Variants in ABI3BP observed in about 807,000 individuals in gnomAD.
ABI3BP encodes the protein target of Nesh-SH3.
ABI3BP carries 216 observed loss-of-function variants against 268.6 expected under a neutral mutation model. The observed-to-expected ratio is 0.80, with a 90% confidence interval of 0.72 to 0.90. The LOEUF (loss-of-function observed/expected upper bound fraction) is 0.90, where lower values mean the gene tolerates loss of function less well. Among genes scored for constraint, ABI3BP ranks in the 40% least tolerant of loss-of-function variants. The pLI is 0.00. For missense variants in ABI3BP, 2,090 were observed against 2,182.4 expected, an observed-to-expected ratio of 0.96 and a Z score of 0.84; for synonymous variants, 730 against 730.0, an observed-to-expected ratio of 1.00 and a Z score of 0.00.
intron 4 of ABI3BP, among the ~76,000 whole-genome samples, chr3:100,897,868 A>C (rs1050265129): frequency 1.3e-5 from 2 of 152,362 alleles, no homozygotes; most frequent in Non-Finnish European, 2.9e-5. Context: ...AGAAAACTTT[A>C]AAAATAAAAT....
intron 1 of ABI3BP, among the ~76,000 whole-genome samples, chr3:100,965,037 T>C (rs2080759187): frequency 8.9e-6 from 1 of 112,652 alleles, no homozygotes; most frequent in South Asian, 2.7e-4. Context: ...ATTATTTAAG[T>C]TCTAATAGTA....
chr3:100,815,731 AG>A (rs1343911935), intron 44 of ABI3BP, among the ~76,000 whole-genome samples, 180 bp downstream of exon 44: 2 of 152,198 alleles, frequency 1.3e-5, no homozygotes, highest in Non-Finnish European at 2.9e-5. Flanking sequence ...CACTGGGTCC[AG>A]GGACATCTGC....
intron 57 of ABI3BP, among the ~76,000 whole-genome samples, chr3:100,781,898 T>C (rs1325230582): frequency 2.0e-5 from 3 of 152,110 alleles, no homozygotes; most frequent in Non-Finnish European, 4.4e-5. Context: ...CAAGGGGAGA[T>C]TAAGCAATTT....
chr3:100,832,490 TTCAG>T (rs2098510178), intron 30 of ABI3BP, 140 bp from the exon 31 acceptor site: 1 of 759,732 alleles, frequency 1.3e-6, no homozygotes, highest in East Asian at 2.7e-5. Context: ...AATTTTCTCC[TTCAG>T]TATCTTAATA....
chr3:100,843,701 G>C, intron 20 of ABI3BP: 1 of 984,268 alleles, frequency 1.0e-6, no homozygotes. Context: ...TACCTCAGAT[G>C]CTATAGGACA....
chr3:100,770,970 C>A lies in ABI3BP; in HGVS notation c.4532-18G>T. 1 of 1,490,272 alleles carries A rather than the reference C, an allele frequency of 6.7e-7. No individual in the cohort carries two copies. The highest frequency in any genetic ancestry group is 1.4e-5 in the South Asian group (1 of 72,036). 92.3% of individuals were successfully genotyped at this position (1,490,272 alleles called of 1,614,324 possible). On this transcript the variant is annotated intron_variant, in intron 61 of 67. Transcript: ENST00000471714. ...ATGAGGTCCTACGAGAGAGAGGACC[C>A]TTGACATTTAACATTTTTGAAACTC...
At chr3:100,879,161 C>T (rs1338290024) in intron 6 of ABI3BP, among the ~76,000 whole-genome samples, 1 of 152,208 alleles carries the variant, frequency 6.6e-6, no homozygotes, top group Non-Finnish European at 1.5e-5. Flanking sequence ...AATATCTCCT[C>T]ACTGCCCCCT....
At chr3:100,846,645 G>A in intron 19 of ABI3BP, 199 bp from the exon 20 acceptor site, 1 of 415,280 alleles carries the variant, frequency 2.4e-6, no homozygotes, top group Non-Finnish European at 4.3e-6. Flanking sequence ...ATCTTGTTTA[G>A]AAAAAACATT....
intron 6 of ABI3BP, among the ~76,000 whole-genome samples, chr3:100,884,605 T>C (rs190394619): frequency 2.0e-5 from 3 of 152,150 alleles, no homozygotes; most frequent in African/African-American, 7.2e-5. Context: ...CATGGGGCTA[T>C]TCTGTGGACT....
chr3:100,863,993 A>C lies in ABI3BP; in HGVS notation c.1138+9T>G. The C allele has an allele frequency of 6.6e-7, 1 of 1,513,216 alleles. No individual in the cohort carries two copies. Among genetic ancestry groups the C allele is most frequent in the Non-Finnish European group, 8.9e-7 (1 of 1,126,052 alleles). The allele number at this position is 1,513,216 out of a possible 1,614,324, so 93.7% of individuals were successfully genotyped here. ...TAATAATAAAGCTGCAGTATTTATT[A>C]TTTTTTACCTAGAGTGCTCAGTGGC... On this transcript the variant is annotated intron_variant, in intron 12 of 67. Transcript: ENST00000471714.
intron 4 of ABI3BP, among the ~76,000 whole-genome samples, chr3:100,890,490 C>T (rs1484750518): frequency 6.6e-6 from 1 of 152,124 alleles, no homozygotes; most frequent in African/African-American, 2.4e-5. Context: ...ACCAGATCTC[C>T]AACCTTTCCC....
chr3:100,866,793 C>T, intron 10 of ABI3BP, 86 bp downstream of exon 10: 1 of 1,128,080 alleles, frequency 8.9e-7, no homozygotes, highest in Non-Finnish European at 1.3e-6. Flanking sequence ...CCTACTGGCT[C>T]TTTACTGAAA....
intron 1 of ABI3BP, among the ~76,000 whole-genome samples, chr3:100,939,789 C>T (rs903814336): frequency 1.1e-4 from 16 of 152,002 alleles, no homozygotes; most frequent in African/African-American, 3.4e-4. Context: ...TTATTAGGTG[C>T]GAATTTCCTC....
At chr3:100,842,395 T>C (rs1326917597) in intron 20 of ABI3BP, among the ~76,000 whole-genome samples, 1 of 152,150 alleles carries the variant, frequency 6.6e-6, no homozygotes, top group Non-Finnish European at 1.5e-5. Flanking sequence ...TCCAAGGAAA[T>C]GGAACAGGCA....
intron 57 of ABI3BP, among the ~76,000 whole-genome samples, chr3:100,786,499 A>G (rs1250436480): frequency 6.6e-6 from 1 of 152,166 alleles, no homozygotes; most frequent in Non-Finnish European, 1.5e-5. Flanking sequence ...AATAAGAATC[A>G]GTATTATAGT....
At chr3:100,929,250 G>A (rs2062858854) in intron 1 of ABI3BP, among the ~76,000 whole-genome samples, 1 of 151,948 alleles carries the variant, frequency 6.6e-6, no homozygotes, top group South Asian at 2.1e-4. Flanking sequence ...ATGGACTCTG[G>A]CCTGATGAAT....
intron 11 of ABI3BP, chr3:100,864,429 G>A: frequency 3.0e-6 from 1 of 335,386 alleles, no homozygotes; most frequent in South Asian, 5.6e-5. Flanking sequence ...ACACTTTTGG[G>A]GATTCTTCCC....
At chr3:100,977,598 C>A (rs188678689) in intron 1 of ABI3BP, among the ~76,000 whole-genome samples, 1 of 152,218 alleles carries the variant, frequency 6.6e-6, no homozygotes, top group Non-Finnish European at 1.5e-5. Flanking sequence ...AGCTGGTTTT[C>A]TCCAGATTGG....
chr3:100,784,690 CT>C (rs2150430529), intron 57 of ABI3BP, among the ~76,000 whole-genome samples: 1 of 152,212 alleles, frequency 6.6e-6, no homozygotes, highest in Non-Finnish European at 1.5e-5. Context: ...CCATGGAATA[CT>C]ACTCAGTGAT....
Sources: gnomAD v4.1 joint callset for allele counts (sites outside exome capture counted in the v4.1 genomes callset) on GRCh38, gnomAD v4.1.1 for gene constraint, MANE v1.5 for transcripts, NCBI Gene and HGNC (gene_info 2026-07-23, HGNC 2026-07-21) for gene names.